Variants in NF1 observed in about 807,000 individuals in gnomAD.
NF1 encodes the protein neurofibromin 1.
A neutral mutation model predicts 325.7 loss-of-function variants in NF1; 122 were observed. That is an observed-to-expected ratio of 0.37 (90% CI 0.32 to 0.44). NF1 has a LOEUF of 0.44. Among genes scored for constraint, NF1 ranks in the 20% least tolerant of loss-of-function variants. The probability of loss-of-function intolerance (pLI) is 1.00; values close to 1 mark genes in which losing one functional copy is unlikely to be tolerated. For synonymous variants in NF1, 1,091 were observed against 1,186.0 expected, an observed-to-expected ratio of 0.92 and a Z score of 1.65; for missense variants, 2,140 against 3,415.4, an observed-to-expected ratio of 0.63 and a Z score of 9.31.
intron 30 of NF1, among the ~76,000 whole-genome samples, chr17:31,249,481 G>A (rs779933118): frequency 6.6e-6 from 1 of 152,110 alleles, no homozygotes; most frequent in African/African-American, 2.4e-5. Flanking sequence ...GTTGAGGCGG[G>A]TCTCCTCCTT....
At chr17:31,161,205 ATGACTATTATTTAAAAGATT>A (rs1170899283) in intron 3 of NF1, among the ~76,000 whole-genome samples, 1 of 152,236 alleles carries the variant, frequency 6.6e-6, no homozygotes, top group East Asian at 1.9e-4. Flanking sequence ...TCCTGTGAAT[ATGACTATTATTTAAAAGATT>A]TAATACTTCT....
At chr17:31,253,169 A>T in intron 31 of NF1, 169 bp downstream of exon 31, 1 of 614,552 alleles carries the variant, frequency 1.6e-6, no homozygotes, top group East Asian at 2.8e-5. Flanking sequence ...GAATTAAGTT[A>T]CATTGAAACA....
chr17:31,107,719 A>T (rs1025653007), intron 1 of NF1, among the ~76,000 whole-genome samples: 9 of 152,224 alleles, frequency 5.9e-5, no homozygotes, highest in Non-Finnish European at 1.3e-4. Flanking sequence ...ACATGTTTTC[A>T]AGACACCTCA....
chr17:31,233,652 A>G (rs924357013), intron 27 of NF1, among the ~76,000 whole-genome samples: 2 of 152,162 alleles, frequency 1.3e-5, no homozygotes, highest in Non-Finnish European at 2.9e-5. Context: ...GATATTGTTT[A>G]TTTTAAAAAC....
intron 36 of NF1, among the ~76,000 whole-genome samples, chr17:31,267,791 G>A (rs967488482): frequency 1.3e-5 from 2 of 152,056 alleles, no homozygotes; most frequent in South Asian, 2.1e-4. Context: ...TCTTCACACC[G>A]TATTTCTGTT....
At chr17:31,368,850 T>C (rs140204089) in intron 57 of NF1, among the ~76,000 whole-genome samples, 1 of 152,332 alleles carries the variant, frequency 6.6e-6, no homozygotes, top group Non-Finnish European at 1.5e-5. Context: ...CAAACAAGTC[T>C]CAAACCTAGG....
In NF1 at chr17:31,349,105, G is replaced by A; in HGVS notation, c.7190-15G>A. Reference sequence around the variant, plus strand: ...TTCTTACTTGTTTGTTTGTTTGTTTGTTTGTTTTTTGTAGGGTACAGGCAT... The same window carrying A: ...TTCTTACTTGTTTGTTTGTTTGTTTATTTGTTTTTTGTAGGGTACAGGCAT... On this transcript the variant is annotated splice_polypyrimidine_tract_variant and intron_variant, in intron 48 of 57. Transcript: ENST00000358273. The A allele has an allele frequency of 6.4e-7, 1 of 1,567,828 alleles. No homozygotes were observed. The highest frequency in any genetic ancestry group is 1.2e-5 in the South Asian group (1 of 85,964).
At chr17:31,150,654 G>C (rs1020502185) in intron 1 of NF1, among the ~76,000 whole-genome samples, 1 of 151,934 alleles carries the variant, frequency 6.6e-6, no homozygotes, top group Non-Finnish European at 1.5e-5. Context: ...TAATTGTATT[G>C]TATCTATATT....
At chr17:31,159,204 T>C in intron 3 of NF1, 111 bp downstream of exon 3, 1 of 768,026 alleles carries the variant, frequency 1.3e-6, no homozygotes, top group Non-Finnish European at 2.3e-6. Context: ...GACTTTTGTC[T>C]GAGACATATA....
At chr17:31,224,342 GT>G (rs1343449983) in intron 16 of NF1, among the ~76,000 whole-genome samples, 1 of 152,078 alleles carries the variant, frequency 6.6e-6, no homozygotes, top group East Asian at 1.9e-4. Flanking sequence ...GATTTAATGA[GT>G]TTTTATCTGG....
At chr17:31,161,005 T>C (rs2065752969) in intron 3 of NF1, among the ~76,000 whole-genome samples, 1 of 152,248 alleles carries the variant, frequency 6.6e-6, no homozygotes, top group Non-Finnish European at 1.5e-5. Flanking sequence ...TTTTATTTCC[T>C]TCAGTGATTT....
At chr17:31,304,630 C>G (rs150905221) in intron 36 of NF1, 149 of 1,614,000 alleles carry the variant, frequency 9.2e-5, no homozygotes, top group Non-Finnish European at 6.0e-5. Flanking sequence ...AACAGCAGTT[C>G]CAACTGTTGA....
chr17:31,211,168 A>G (rs980886604), intron 12 of NF1, among the ~76,000 whole-genome samples: 1 of 152,180 alleles, frequency 6.6e-6, no homozygotes, highest in Admixed American at 6.5e-5. Context: ...CCCAGACATG[A>G]TTGCCTCTCA....
intron 29 of NF1, among the ~76,000 whole-genome samples, chr17:31,248,202 C>T (rs75298593): frequency 1.2e-4 from 16 of 136,612 alleles, no homozygotes; most frequent in African/African-American, 4.9e-4. Flanking sequence ...AACTCCATCC[C>T]CCGCCCCCAC....
intron 13 of NF1, among the ~76,000 whole-genome samples, chr17:31,215,266 C>T (rs1433582348): frequency 6.6e-6 from 1 of 152,116 alleles, no homozygotes; most frequent in Non-Finnish European, 1.5e-5. Flanking sequence ...CAGGCATGAG[C>T]CCCCATGCCT....
chr17:31,191,754 A>G (rs950684774), intron 8 of NF1, among the ~76,000 whole-genome samples: 1 of 152,266 alleles, frequency 6.6e-6, no homozygotes, highest in African/African-American at 2.4e-5. Context: ...AGAAAAAAGT[A>G]TTAATGGCTT....
intron 4 of NF1, among the ~76,000 whole-genome samples, chr17:31,168,327 G>T (rs779613257): frequency 6.6e-5 from 10 of 152,078 alleles, no homozygotes; most frequent in Non-Finnish European, 8.8e-5. Flanking sequence ...CTAATAAATA[G>T]ATTTTTAAGC....
chr17:31,366,980 T>C (rs1441047187), intron 57 of NF1, among the ~76,000 whole-genome samples: 1 of 152,110 alleles, frequency 6.6e-6, no homozygotes, highest in Non-Finnish European at 1.5e-5. Flanking sequence ...AATTCTTAAT[T>C]TAAACTAAAA....
At chr17:31,210,947 A>G (rs930424934) in intron 12 of NF1, among the ~76,000 whole-genome samples, 1 of 152,176 alleles carries the variant, frequency 6.6e-6, no homozygotes, top group African/African-American at 2.4e-5. Context: ...TTTGCAAACT[A>G]ACATCTCCTG....
Sources: allele counts gnomAD v4.1 joint callset (sites outside exome capture counted in the v4.1 genomes callset), GRCh38; gene constraint gnomAD v4.1.1; transcripts MANE v1.5; gene names NCBI Gene and HGNC (gene_info 2026-07-23, HGNC 2026-07-21).